The following DBF4B variants were observed in gnomAD, a reference collection of about 807,000 sequenced individuals.
DBF4B encodes protein DBF4 homolog B.
Under a neutral mutation model 53.4 loss-of-function variants are expected in DBF4B, and 49 were observed. The ratio of observed to expected loss-of-function variants is 0.92; its 90% CI spans 0.73 to 1.16. DBF4B has a LOEUF of 1.16. Among genes scored for constraint, DBF4B ranks in the 50% most tolerant of loss-of-function variants. The pLI is 0.00. For synonymous variants in DBF4B, 257 were observed against 288.7 expected (o/e 0.89, Z 1.11); for missense variants, 692 against 775.0 (o/e 0.89, Z 1.27).
At chr17:44,742,926 C>T (rs2145106638) in intron 10 of DBF4B, among the ~76,000 whole-genome samples, 1 of 152,278 alleles carries the variant, frequency 6.6e-6, no homozygotes, top group Non-Finnish European at 1.5e-5. Context: ...GAGAACAGAG[C>T]AGACTCTCAG....
Position 44,718,530 on chromosome 17 carries a change from T to C in DBF4B, c.83-4350T>C, listed in dbSNP as rs139177283. Reference sequence around the variant, plus strand: ...TTGTCTTTGATGACCTCAGTACTTTTGAAGTCACCTCTAAATTTGGGTTTG... The same window carrying C: ...TTGTCTTTGATGACCTCAGTACTTTCGAAGTCACCTCTAAATTTGGGTTTG... On this transcript the variant is annotated intron_variant, in intron 2 of 13. Transcript: ENST00000315005. Among the ~76,000 whole-genome samples the C allele has an allele frequency of 3.3e-5, 5 of 152,222 alleles. No individual in the cohort carries two copies. The East Asian group carries it at 9.6e-4, about 29-fold the overall frequency.
intron 6 of DBF4B, chr17:44,732,508 C>T (rs1052209652): frequency 1.0e-5 from 5 of 494,850 alleles, no homozygotes; most frequent in Non-Finnish European, 1.5e-5. Flanking sequence ...TTTCATGTCA[C>T]CTGCTACAGC....
intron 2 of DBF4B, among the ~76,000 whole-genome samples, 153 bp from the exon 3 acceptor site, chr17:44,722,727 G>C (rs932359687): frequency 2.0e-5 from 3 of 152,224 alleles, no homozygotes; most frequent in African/African-American, 7.2e-5. Context: ...CTGAGCTTCT[G>C]AGGGTAAGGG....
intron 3 of DBF4B, among the ~76,000 whole-genome samples, chr17:44,727,510 G>A (rs1974463993): frequency 6.6e-6 from 1 of 152,136 alleles, no homozygotes; most frequent in African/African-American, 2.4e-5. Flanking sequence ...TTGGAATGGA[G>A]AGGCTCTTTG....
At position 44,708,690 on chromosome 17, in the gene DBF4B, C is replaced by CA; in HGVS notation, c.-129dup. ...AAACTGAAGCCGCGGCCGAAAACGC[C>CA]AAGAGATTGATGCTGTAGCTGCCCT... On this transcript the variant is annotated 5_prime_UTR_variant, in exon 1 of 14. Transcript: ENST00000315005. 1 of 1,145,130 alleles carries CA rather than the reference C, an allele frequency of 8.7e-7. No individual in the cohort carries two copies. The highest frequency in any genetic ancestry group is 1.2e-6 in the Non-Finnish European group (1 of 846,290). The allele number at this position is 1,145,130 out of a possible 1,614,324, so 70.9% of individuals were successfully genotyped here. A position where few individuals can be genotyped will look rare whatever the true frequency, so the allele number is the denominator to read the frequency against.
At chr17:44,710,275 A>G (rs1395289031) in intron 2 of DBF4B, among the ~76,000 whole-genome samples, 1 of 151,932 alleles carries the variant, frequency 6.6e-6, no homozygotes, top group Non-Finnish European at 1.5e-5. Flanking sequence ...TCATTTACTG[A>G]GTTATTCATT....
In DBF4B at chr17:44,718,051, G is replaced by A. The variant is rs146011050; in HGVS notation, c.83-4829G>A. Reference sequence around the variant, plus strand: ...AAAAAAAAGAAAGAAAAGAAAATCCGGAAATTAATGTTGATATTATTAACT... The same window carrying A: ...AAAAAAAAGAAAGAAAAGAAAATCCAGAAATTAATGTTGATATTATTAACT... On this transcript the variant is annotated intron_variant, in intron 2 of 13. Transcript: ENST00000315005. Among the ~76,000 whole-genome samples the A allele has an allele frequency of 5.8e-3, 876 of 151,730 alleles. 9 individuals are homozygous for A. Among genetic ancestry groups the A allele is most frequent in the African/African-American group, 0.02 (830 of 41,422 alleles).
At chr17:44,738,554 T>G in intron 9 of DBF4B, 130 bp downstream of exon 9, 1 of 886,172 alleles carries the variant, frequency 1.1e-6, no homozygotes, top group Non-Finnish European at 1.7e-6. Context: ...TTCATCTTCC[T>G]GAGAAGCCAC....
At chr17:44,725,681 C>CTTT (rs1568172432) in intron 3 of DBF4B, among the ~76,000 whole-genome samples, 1 of 79,096 alleles carries the variant, frequency 1.3e-5, no homozygotes, top group African/African-American at 7.5e-5. Context: ...TTTTTTTGTG[C>CTTT]TTCTTTTTTT....
intron 2 of DBF4B, among the ~76,000 whole-genome samples, chr17:44,722,639 A>T (rs1973950218): frequency 6.6e-6 from 1 of 152,186 alleles, no homozygotes; most frequent in African/African-American, 2.4e-5. Flanking sequence ...CTAGATTTAG[A>T]TTCTAAGGAA....
At chr17:44,727,086 A>G (rs1353400060) in intron 3 of DBF4B, among the ~76,000 whole-genome samples, 2 of 131,750 alleles carry the variant, frequency 1.5e-5, no homozygotes, top group African/African-American at 5.7e-5. Context: ...GCAACAAAGC[A>G]AGACTCCATC....
At chr17:44,715,149 AT>A (rs1350035303) in intron 2 of DBF4B, among the ~76,000 whole-genome samples, 1 of 151,440 alleles carries the variant, frequency 6.6e-6, no homozygotes, top group Non-Finnish European at 1.5e-5. Flanking sequence ...TGGAACTTTT[AT>A]TGTTTGGATA....
At chr17:44,709,078 G>A in intron 1 of DBF4B, 1 of 784,316 alleles carries the variant, frequency 1.3e-6, no homozygotes. Context: ...ACAGGAGGTG[G>A]CCAAGAGGTC....
intron 3 of DBF4B, among the ~76,000 whole-genome samples, chr17:44,727,741 A>G (rs1974481813): frequency 6.6e-6 from 1 of 152,190 alleles, no homozygotes; most frequent in African/African-American, 2.4e-5. Flanking sequence ...CTTGATGCCC[A>G]GGCTGGAGTG....
intron 2 of DBF4B, among the ~76,000 whole-genome samples, chr17:44,715,561 C>G (rs1295461280): frequency 1.3e-5 from 2 of 152,000 alleles, no homozygotes; most frequent in African/African-American, 4.8e-5. Context: ...AAAATTTCCA[C>G]AACTTAATCT....
rs995094632 is a variant in DBF4B, at chr17:44,751,860, G to A, written c.*607G>A. 40 of 1,535,412 alleles carry A rather than the reference G, an allele frequency of 2.6e-5. No homozygotes were observed. The highest frequency in any genetic ancestry group is 1.4e-4 in the South Asian group (12 of 84,036). On this transcript the variant is annotated 3_prime_UTR_variant, in exon 14 of 14. Transcript: ENST00000315005. Reference sequence around the variant, plus strand: ...TCCTTGAAGCCTGGCTCCCTTGGTCGCAGCAGCCCCTCAGTGGCCTGGTTC... The same window carrying A: ...TCCTTGAAGCCTGGCTCCCTTGGTCACAGCAGCCCCTCAGTGGCCTGGTTC...
intron 10 of DBF4B, among the ~76,000 whole-genome samples, chr17:44,742,564 G>A (rs1436018944): frequency 6.6e-6 from 1 of 152,142 alleles, no homozygotes; most frequent in Non-Finnish European, 1.5e-5. Flanking sequence ...CTGGGTGACA[G>A]AGTGAAACCC....
intron 12 of DBF4B, among the ~76,000 whole-genome samples, 157 bp downstream of exon 12, chr17:44,747,672 TG>T (rs965634234): frequency 5.3e-5 from 8 of 152,190 alleles, no homozygotes; most frequent in African/African-American, 1.7e-4. Flanking sequence ...CTGTTTGTTT[TG>T]GGGCTGGCCA....
In DBF4B at chr17:44,709,003, G is replaced by A. The variant is rs1025331050; in HGVS notation, c.19+164G>A. On this transcript the variant is annotated intron_variant, in intron 1 of 13. Transcript: ENST00000315005. ...GAGCCACAGGAGTTGAGGGGACCGA[G>A]GAATGAAGGTGGCAGAGGAACGTAG... is the stretch of plus-strand genomic sequence containing the variant. 7.1e-6 allele frequency: 7 copies of A among 979,946 alleles called. No individual in the cohort carries two copies. In the Admixed American group the frequency reaches 8.0e-5, roughly 11 times the overall value. 60.7% of individuals were successfully genotyped at this position (979,946 alleles called of 1,614,324 possible).
Sources: gnomAD v4.1 joint callset for allele counts (sites outside exome capture counted in the v4.1 genomes callset) on GRCh38, gnomAD v4.1.1 for gene constraint, MANE v1.5 for transcripts, NCBI Gene and HGNC (gene_info 2026-07-23, HGNC 2026-07-21) for gene names.